Variants in RHOT1 observed in about 807,000 individuals in gnomAD.
RHOT1 encodes the protein ras homolog family member T1.
RHOT1 carries 27 observed loss-of-function variants against 95.3 expected under a neutral mutation model. The ratio of observed to expected loss-of-function variants is 0.28; its 90% CI spans 0.21 to 0.39. The LOEUF (loss-of-function observed/expected upper bound fraction) is 0.39, where lower values mean the gene tolerates loss of function less well. Ranked by LOEUF, RHOT1 falls within the 10% of genes least tolerant of loss-of-function variation. The probability of loss-of-function intolerance (pLI) is 1.00; values close to 1 mark genes in which losing one functional copy is unlikely to be tolerated. For missense variants in RHOT1, 578 were observed against 786.7 expected (o/e 0.73, Z 3.17); for synonymous variants, 227 against 263.5 (o/e 0.86, Z 1.34).
chr17:32,210,502 C>T (rs557002833), intron 18 of RHOT1, among the ~76,000 whole-genome samples: 3 of 152,284 alleles, frequency 2.0e-5, no homozygotes, highest in South Asian at 4.1e-4. Flanking sequence ...CAGATGAAAT[C>T]AACCCTATAT....
intron 19 of RHOT1, among the ~76,000 whole-genome samples, chr17:32,214,759 A>G (rs1316838950): frequency 6.6e-6 from 1 of 152,056 alleles, no homozygotes; most frequent in South Asian, 2.1e-4. Flanking sequence ...GTCATTTAAA[A>G]TTTTTTCACT....
At chr17:32,206,720 T>C (rs2037779153) in intron 16 of RHOT1, among the ~76,000 whole-genome samples, 190 bp from the exon 17 acceptor site, 1 of 152,124 alleles carries the variant, frequency 6.6e-6, no homozygotes, top group Non-Finnish European at 1.5e-5. Flanking sequence ...CCCAAAGTGC[T>C]GGGATTACAA....
chr17:32,194,080 A>T lies in RHOT1; in HGVS notation c.842A>T (p.Asp281Val), dbSNP rs776675820. The change falls in exon 11 of 20, where the codon GAT becomes GTT. Residue 281 changes from aspartate to valine, a missense_variant. This residue lies in a region of RHOT1 where 227 missense variants were observed against 316.0 expected (regional missense o/e 0.72). Coordinates refer to ENST00000545287, the MANE Select transcript of RHOT1 (RefSeq NM_001033566.3). Reference sequence around the variant, plus strand: ...CGATTTGGTTATGATGATGACCTGGATTTGACACCTGAATATTTGTTCCCC... The same window carrying T: ...CGATTTGGTTATGATGATGACCTGGTTTTGACACCTGAATATTTGTTCCCC... ...LRRFGYDDDL[D>V]LTPEYLFPLL... 1.2e-6 allele frequency: 2 copies of T among 1,613,972 alleles called. No homozygotes were observed. Among genetic ancestry groups the T allele is most frequent in the Non-Finnish European group, 1.7e-6 (2 of 1,180,008 alleles).
At chr17:32,173,710 TAA>T (rs376220288) in intron 2 of RHOT1, 119 bp from the exon 3 acceptor site, 3,354 of 574,182 alleles carry the variant, frequency 5.8e-3, no homozygotes, top group East Asian at 7.7e-3. Flanking sequence ...GAGACTCCAT[TAA>T]AAAAAAAAAA....
At chr17:32,197,675 G>C (rs1338183893) in intron 11 of RHOT1, among the ~76,000 whole-genome samples, 1 of 151,962 alleles carries the variant, frequency 6.6e-6, no homozygotes, top group Non-Finnish European at 1.5e-5. Flanking sequence ...TGATCTGCCC[G>C]CCTCGGCCTC....
chr17:32,154,650 T>C (rs980690456), intron 1 of RHOT1, among the ~76,000 whole-genome samples: 2 of 150,504 alleles, frequency 1.3e-5, no homozygotes, highest in Non-Finnish European at 2.9e-5. Flanking sequence ...CCTGGCACTT[T>C]GGGAGGCTGA....
At chr17:32,181,127 C>T (rs2035601735) in intron 6 of RHOT1, among the ~76,000 whole-genome samples, 1 of 152,204 alleles carries the variant, frequency 6.6e-6, no homozygotes, top group Non-Finnish European at 1.5e-5. Context: ...GCTTCTCTTG[C>T]AGTCTAGAGT....
intron 11 of RHOT1, 99 bp downstream of exon 11, chr17:32,194,206 A>G: frequency 8.0e-7 from 1 of 1,257,150 alleles, no homozygotes; most frequent in East Asian, 2.3e-5. Flanking sequence ...TCCTGAGTCA[A>G]GTGATCCTCC....
rs772093829 is a variant in RHOT1, at chr17:32,192,165, G to T, written c.541-36G>T. Reference sequence around the variant, plus strand: ...CTCAGCATTGCTTATGAAAATCACAGTTTAAACAATTATTTCTTTTCTCAA... The same window carrying T: ...CTCAGCATTGCTTATGAAAATCACATTTTAAACAATTATTTCTTTTCTCAA... On this transcript the variant is annotated intron_variant, in intron 8 of 19. Coordinates refer to ENST00000545287, the MANE Select transcript of RHOT1 (RefSeq NM_001033566.3). 6.8e-6 allele frequency: 7 copies of T among 1,022,588 alleles called. No individual in the cohort carries two copies. The African/African-American group carries it at 8.2e-5, about 12-fold the overall frequency. The allele number at this position is 1,022,588 out of a possible 1,614,324, so 63.3% of individuals were successfully genotyped here.
rs35875636 is a variant in RHOT1, at chr17:32,201,901, G to GTGTT, written c.1202-842_1202-839dup. ...TCTTCAGGTATAGCCTAAGGAGGTT[G>GTGTT]TGTTTGTTTGTTTGTTTGTTTGTTT... On this transcript the variant is annotated intron_variant, in intron 14 of 19. Coordinates refer to ENST00000545287, the MANE Select transcript of RHOT1 (RefSeq NM_001033566.3). 8.3e-3 allele frequency among the ~76,000 whole-genome samples: 1,253 copies of GTGTT among 151,200 alleles called. 24 individuals are homozygous for GTGTT. In the East Asian group the frequency reaches 0.099, roughly 12 times the overall value.
chr17:32,178,074 C>G (rs2035167266), intron 6 of RHOT1, among the ~76,000 whole-genome samples: 1 of 151,922 alleles, frequency 6.6e-6, no homozygotes, highest in Non-Finnish European at 1.5e-5. Context: ...ATCCACCTGC[C>G]TTGGCTTCTC....
intron 1 of RHOT1, chr17:32,159,587 C>T (rs1395980120): frequency 1.3e-5 from 2 of 152,894 alleles, no homozygotes; most frequent in Admixed American, 6.5e-5. Context: ...TCTCCCTGCT[C>T]CTGGTGCCCG....
At chr17:32,189,905 G>A (rs1218857757) in intron 8 of RHOT1, among the ~76,000 whole-genome samples, 2 of 151,600 alleles carry the variant, frequency 1.3e-5, no homozygotes, top group Admixed American at 1.3e-4. Flanking sequence ...GCTAATTTTT[G>A]TATTTTTAGT....
chr17:32,171,424 C>T (rs2034568974), intron 2 of RHOT1, among the ~76,000 whole-genome samples: 1 of 152,178 alleles, frequency 6.6e-6, no homozygotes, highest in African/African-American at 2.4e-5. Context: ...TGTTTATCAC[C>T]TGTATCTATG....
chr17:32,210,802 C>T (rs1222229607), intron 18 of RHOT1, among the ~76,000 whole-genome samples: 1 of 151,946 alleles, frequency 6.6e-6, no homozygotes, highest in African/African-American at 2.4e-5. Flanking sequence ...ACGAGGGTGC[C>T]ATCTATTGCT....
chr17:32,208,517 A>G lies in RHOT1; in HGVS notation c.1739+208A>G, dbSNP rs1052331055. ...AAACAGTGCTTCTGACAATATCTGT[A>G]TATTTTTGAGCAGGCTGTAACTATC... On this transcript the variant is annotated intron_variant, in intron 18 of 19. Transcript: ENST00000545287. 4 of 558,124 alleles carry G rather than the reference A, an allele frequency of 7.2e-6. No individual in the cohort carries two copies. In the African/African-American group the frequency reaches 7.5e-5, roughly 11 times the overall value. 34.6% of individuals were successfully genotyped at this position (558,124 alleles called of 1,614,324 possible). A position where few individuals can be genotyped will look rare whatever the true frequency, so the allele number is the denominator to read the frequency against.
intron 6 of RHOT1, among the ~76,000 whole-genome samples, chr17:32,180,592 C>A (rs2035548229): frequency 6.7e-6 from 1 of 148,608 alleles, no homozygotes; most frequent in African/African-American, 2.5e-5. Flanking sequence ...ATGACCCTGC[C>A]ACATCCCCCT....
At chr17:32,171,792 T>G (rs889619392) in intron 2 of RHOT1, among the ~76,000 whole-genome samples, 5 of 152,248 alleles carry the variant, frequency 3.3e-5, no homozygotes, top group Non-Finnish European at 1.5e-5. Flanking sequence ...TAATATGATC[T>G]ACCTGCTTCA....
intron 1 of RHOT1, among the ~76,000 whole-genome samples, chr17:32,169,938 A>G (rs1300696014): frequency 1.3e-5 from 2 of 151,878 alleles, no homozygotes; most frequent in African/African-American, 4.8e-5. Context: ...AAGCCTGGGG[A>G]GGTTGAGGCT....
Sources: allele counts gnomAD v4.1 joint callset (sites outside exome capture counted in the v4.1 genomes callset), GRCh38; gene constraint gnomAD v4.1.1; regional missense constraint gnomAD v4.1.1; transcripts MANE v1.5; gene names NCBI Gene and HGNC (gene_info 2026-07-23, HGNC 2026-07-21).